The following RANBP3 variants were observed in gnomAD, a reference collection of about 807,000 sequenced individuals.
The protein encoded by RANBP3 is ran-binding protein 3.
A neutral mutation model predicts 77.3 loss-of-function variants in RANBP3; 14 were observed. That is an observed-to-expected ratio of 0.18 (90% CI 0.12 to 0.28). RANBP3 has a LOEUF of 0.28. Ranked by LOEUF, RANBP3 falls within the 10% of genes least tolerant of loss-of-function variation. RANBP3 has a pLI of 1.00. For missense variants in RANBP3, 586 were observed against 752.3 expected, an observed-to-expected ratio of 0.78 and a Z score of 2.59; for synonymous variants, 315 against 312.4, an observed-to-expected ratio of 1.01 and a Z score of -0.09.
chr19:5,933,732 C>G, intron 5 of RANBP3: 1 of 417,748 alleles, frequency 2.4e-6, no homozygotes, highest in Admixed American at 4.4e-5. Context: ...GCAGGTGGGG[C>G]GTCAGCCGCC....
rs374877224 is a variant in RANBP3, at chr19:5,921,699, T to C, written c.1210-378A>G. Among the ~76,000 whole-genome samples the C allele has an allele frequency of 5.3e-5, 8 of 152,312 alleles. No individual in the cohort carries two copies. The highest frequency in any genetic ancestry group is 2.1e-4 in the South Asian group (1 of 4,822). ...AACTGCTTAACAAGGAATTACCACA[T>C]GCCCAAGCAATTCCATTCCTCGGTA... is the stretch of plus-strand genomic sequence containing the variant. On this transcript the variant is annotated intron_variant, in intron 13 of 16. Transcript: ENST00000340578. The surrounding 1 kb of genome is among the most constrained non-coding windows in gnomAD (Gnocchi z 5.3).
Position 5,917,363 on chromosome 19 carries a change from G to T in RANBP3, c.*247C>A. The stretch of plus-strand genomic sequence containing the variant: ...TCTTAATGTGCCATTTCAATTCAAA[G>T]GAGGGGAGGGAGGAAATGTTCTTGT... On this transcript the variant is annotated 3_prime_UTR_variant, in exon 17 of 17. Transcript: ENST00000340578. The T allele has an allele frequency of 1.9e-6, 1 of 530,974 alleles. No homozygotes were observed. The allele number at this position is 530,974 out of a possible 1,614,324, so 32.9% of individuals were successfully genotyped here.
chr19:5,925,108 G>T, intron 10 of RANBP3: 1 of 588,588 alleles, frequency 1.7e-6, no homozygotes. Flanking sequence ...CGCCCTGATG[G>T]AGGGGCCCCA....
Position 5,957,907 on chromosome 19 carries a change from C to T in RANBP3, c.78+11G>A, listed in dbSNP as rs758005372. 3.1e-5 allele frequency: 50 copies of T among 1,613,606 alleles called. No individual in the cohort carries two copies. The highest frequency in any genetic ancestry group is 5.5e-5 in the South Asian group (5 of 91,034). On this transcript the variant is annotated intron_variant, in intron 2 of 16. Coordinates refer to ENST00000340578, the MANE Select transcript of RANBP3 (RefSeq NM_007322.3). ...GTAACGAAGTGAAGAGAGAACGTAC[C>T]GGCCCCTTACCTTTTGTCCTTTATC...
chr19:5,944,734 G>A (rs1052955084), intron 3 of RANBP3, among the ~76,000 whole-genome samples: 23 of 152,216 alleles, frequency 1.5e-4, no homozygotes, highest in African/African-American at 5.3e-4. Context: ...CGCACTGCTC[G>A]CCTCACCTCT....
chr19:5,976,110 A>G (rs577538973), intron 1 of RANBP3, among the ~76,000 whole-genome samples: 1 of 152,252 alleles, frequency 6.6e-6, no homozygotes, highest in Non-Finnish European at 1.5e-5. Flanking sequence ...GCAGTATGAG[A>G]AAGAGGGAAA....
chr19:5,953,347 T>C (rs1002287777), intron 2 of RANBP3, among the ~76,000 whole-genome samples: 3 of 152,194 alleles, frequency 2.0e-5, no homozygotes, highest in African/African-American at 7.2e-5. Flanking sequence ...ATCAAGAGTT[T>C]GCCAGCCTTT....
chr19:5,932,008 C>G (rs1210716065), intron 7 of RANBP3, among the ~76,000 whole-genome samples: 1 of 152,022 alleles, frequency 6.6e-6, no homozygotes, highest in Non-Finnish European at 1.5e-5. Flanking sequence ...GCACTCCAGT[C>G]TGGGTGACAG....
chr19:5,933,064 C>T (rs1400582617), intron 6 of RANBP3: 1 of 296,932 alleles, frequency 3.4e-6, no homozygotes, highest in African/African-American at 2.2e-5. Flanking sequence ...AATGCAGCCA[C>T]CCTGCTAACT....
chr19:5,942,346 T>C (rs1228465744), intron 3 of RANBP3, among the ~76,000 whole-genome samples: 1 of 152,160 alleles, frequency 6.6e-6, no homozygotes, highest in African/African-American at 2.4e-5. Flanking sequence ...AGCTTGGATG[T>C]TTTGGACCAA....
intron 8 of RANBP3, chr19:5,928,359 G>C: frequency 3.6e-6 from 1 of 280,842 alleles, no homozygotes; most frequent in Non-Finnish European, 6.6e-6. Flanking sequence ...AGAAGCCTTA[G>C]TGCCGGCAGA....
At chr19:5,918,690 A>C in intron 14 of RANBP3, 52 bp from the exon 15 acceptor site, 1 of 1,590,538 alleles carries the variant, frequency 6.3e-7, no homozygotes, top group Non-Finnish European at 8.6e-7. Flanking sequence ...CCCCCTCACA[A>C]ACAGCCAGCT....
intron 10 of RANBP3, chr19:5,925,403 C>G: frequency 1.7e-6 from 1 of 585,582 alleles, no homozygotes; most frequent in Non-Finnish European, 3.0e-6. Flanking sequence ...CCTGGACAAC[C>G]CCACAGAACT....
chr19:5,957,321 C>T (rs188831823), intron 2 of RANBP3, among the ~76,000 whole-genome samples: 8 of 152,310 alleles, frequency 5.3e-5, no homozygotes, highest in East Asian at 1.9e-4. Context: ...GCCAGCTCAT[C>T]GCCATGAATC....
chr19:5,963,536 G>GTGACACCAGAGTGACAGTGTTT (rs746865032), intron 1 of RANBP3, among the ~76,000 whole-genome samples: 1 of 152,240 alleles, frequency 6.6e-6, no homozygotes, highest in Non-Finnish European at 1.5e-5. Flanking sequence ...GGGTGACAGA[G>GTGACACCAGAGTGACAGTGTTT]TGAGACCTTG....
chr19:5,921,100 G>T lies in RANBP3; in HGVS notation c.1330+101C>A, dbSNP rs1478406805. 1.4e-6 allele frequency: 2 copies of T among 1,422,026 alleles called. No homozygotes were observed. The highest frequency in any genetic ancestry group is 2.6e-4 in the Middle Eastern group (1 of 3,886). 88.1% of individuals were successfully genotyped at this position (1,422,026 alleles called of 1,614,324 possible). On this transcript the variant is annotated intron_variant, in intron 14 of 16. Transcript: ENST00000340578. This position sits in a 1 kb window ranked among gnomAD's most constrained non-coding sequence, Gnocchi z 5.3. ...GACTCTGTGCCTTGACTCTCACAAG[G>T]GTAGGGTCAGGATCTCCCCCGCTTC...
chr19:5,944,950 T>C (rs2058185215), intron 3 of RANBP3, among the ~76,000 whole-genome samples: 1 of 152,224 alleles, frequency 6.6e-6, no homozygotes, highest in Non-Finnish European at 1.5e-5. Flanking sequence ...GACCAGGAGA[T>C]GGCCATACCC....
At chr19:5,918,170 TC>T (rs1242555437) in intron 15 of RANBP3, among the ~76,000 whole-genome samples, 190 bp from the exon 16 acceptor site, 4 of 152,146 alleles carry the variant, frequency 2.6e-5, no homozygotes, top group Admixed American at 1.3e-4. Flanking sequence ...GCTGGGAATA[TC>T]CCAGAGGTCA....
chr19:5,930,789 G>C (rs1160890818), intron 8 of RANBP3, among the ~76,000 whole-genome samples: 1 of 152,120 alleles, frequency 6.6e-6, no homozygotes, highest in Admixed American at 6.5e-5. Flanking sequence ...GGGTGGTTTT[G>C]AACTCCTGGC....
Sources: allele counts gnomAD v4.1 joint callset (sites outside exome capture counted in the v4.1 genomes callset), GRCh38; gene constraint gnomAD v4.1.1; non-coding constraint Gnocchi (gnomAD v3.1); transcripts MANE v1.5; gene names NCBI Gene and HGNC (gene_info 2026-07-23, HGNC 2026-07-21).